Variants in DENND2C observed in about 807,000 individuals in gnomAD.
DENND2C encodes DENN domain containing 2C, also known as DENN domain-containing protein 2C.
A neutral mutation model predicts 112.4 loss-of-function variants in DENND2C; 72 were observed. The observed-to-expected ratio is 0.64, with a 90% CI of 0.53 to 0.78. DENND2C has a LOEUF of 0.78. Among genes scored for constraint, DENND2C ranks in the 30% least tolerant of loss-of-function variants. The pLI is 0.00. For missense variants in DENND2C, 992 were observed against 1,113.8 expected (o/e 0.89, Z 1.56); for synonymous variants, 329 against 381.6 (o/e 0.86, Z 1.61).
At chr1:114,667,910 A>C (rs1247187035) in intron 1 of DENND2C, among the ~76,000 whole-genome samples, 1 of 152,194 alleles carries the variant, frequency 6.6e-6, no homozygotes, top group Non-Finnish European at 1.5e-5. Context: ...TGTGAGGATT[A>C]AGTAAGCTAA....
intron 1 of DENND2C, among the ~76,000 whole-genome samples, chr1:114,662,829 G>A (rs1381279196): frequency 1.3e-5 from 2 of 152,050 alleles, no homozygotes; most frequent in African/African-American, 2.4e-5. Flanking sequence ...TCTTGGTGGC[G>A]TGCACCTGTA....
chr1:114,659,724 T>G (rs1657438165), intron 1 of DENND2C, among the ~76,000 whole-genome samples: 1 of 151,940 alleles, frequency 6.6e-6, no homozygotes, highest in Non-Finnish European at 1.5e-5. Context: ...ATTCCTTTCC[T>G]TTCCTTTCCT....
chr1:114,627,992 A>T (rs1483146038), intron 3 of DENND2C, among the ~76,000 whole-genome samples: 1 of 152,108 alleles, frequency 6.6e-6, no homozygotes, highest in African/African-American at 2.4e-5. Flanking sequence ...AGGGCTAAAA[A>T]AAAATTTTAA....
At chr1:114,593,513 G>T (rs1394186965) in intron 18 of DENND2C, among the ~76,000 whole-genome samples, 1 of 152,130 alleles carries the variant, frequency 6.6e-6, no homozygotes, top group African/African-American at 2.4e-5. Flanking sequence ...GGCCAGGTGT[G>T]GTGGCTCACA....
In DENND2C at chr1:114,648,617, T is replaced by C. The variant is rs1197012991; in HGVS notation, c.-316-3058A>G. On this transcript the variant is annotated intron_variant, in intron 2 of 20. Coordinates refer to ENST00000393274, the MANE Select transcript of DENND2C (RefSeq NM_001256404.2). ...TGCCTCCTACAGGGAAAGAGGGATATACCTCTTGCCTACCTCAAGACAGGG... is the reference window on the plus strand; with the variant it reads ...TGCCTCCTACAGGGAAAGAGGGATACACCTCTTGCCTACCTCAAGACAGGG... Among the ~76,000 whole-genome samples the C allele has an allele frequency of 2.6e-5, 4 of 152,268 alleles. No individual in the cohort carries two copies. In the East Asian group the frequency reaches 5.8e-4, roughly 22 times the overall value.
At chr1:114,585,696 T>G in intron 20 of DENND2C, 65 bp from the exon 21 acceptor site, 1 of 1,535,192 alleles carries the variant, frequency 6.5e-7, no homozygotes. Context: ...TTATTTGAGG[T>G]AAGGGATTAA....
intron 3 of DENND2C, among the ~76,000 whole-genome samples, chr1:114,637,369 C>CAAAAAAAAA (rs71575188): frequency 3.9e-5 from 5 of 127,640 alleles, no homozygotes; most frequent in African/African-American, 1.1e-4. Context: ...GACTCTGTCT[C>CAAAAAAAAA]AAAAAAAAAA....
At chr1:114,614,979 AC>A (rs1338630914) in intron 8 of DENND2C, among the ~76,000 whole-genome samples, 3 of 151,696 alleles carry the variant, frequency 2.0e-5, no homozygotes, top group Non-Finnish European at 4.4e-5. Flanking sequence ...GCACAACTGC[AC>A]CCCAGCCTGG....
At chr1:114,613,549 T>G (rs12129663) in intron 8 of DENND2C, among the ~76,000 whole-genome samples, 28,740 of 152,186 alleles carry the variant, frequency 0.19, 3,629 homozygotes, top group Non-Finnish European at 0.28. Flanking sequence ...CTATAAAATA[T>G]TATTCAGAGA....
chr1:114,630,769 G>T (rs748349609), intron 3 of DENND2C, among the ~76,000 whole-genome samples: 2 of 152,218 alleles, frequency 1.3e-5, no homozygotes, highest in Non-Finnish European at 2.9e-5. Flanking sequence ...AATACTACAT[G>T]AGGCTAGACA....
chr1:114,665,890 A>AT (rs1483401077), intron 1 of DENND2C, among the ~76,000 whole-genome samples: 1 of 152,180 alleles, frequency 6.6e-6, no homozygotes, highest in Non-Finnish European at 1.5e-5. Context: ...TACGGCTTCA[A>AT]TTAACACTTA....
At chr1:114,603,100 A>G (rs1278958496) in intron 11 of DENND2C, among the ~76,000 whole-genome samples, 1 of 151,970 alleles carries the variant, frequency 6.6e-6, no homozygotes, top group Admixed American at 6.6e-5. Flanking sequence ...AAACCTAAAT[A>G]TACCCAAGAA....
Position 114,626,099 on chromosome 1 carries a change from T to C in DENND2C, c.-115A>G. On this transcript the variant is annotated 5_prime_UTR_variant, in exon 4 of 21. Coordinates refer to ENST00000393274, the MANE Select transcript of DENND2C (RefSeq NM_001256404.2). ...ATCCAAATGATTCCAGTATTTTCCC[T>C]TCATGTTTAACTTGTAAATCTCTTT... The C allele has an allele frequency of 8.9e-7, 1 of 1,127,874 alleles. No individual in the cohort carries two copies. Among genetic ancestry groups the C allele is most frequent in the Non-Finnish European group, 1.2e-6 (1 of 817,842 alleles). 69.9% of individuals were successfully genotyped at this position (1,127,874 alleles called of 1,614,324 possible).
At chr1:114,652,914 C>T (rs1034378971) in intron 2 of DENND2C, among the ~76,000 whole-genome samples, 2 of 151,836 alleles carry the variant, frequency 1.3e-5, no homozygotes, top group African/African-American at 4.8e-5. Flanking sequence ...ATGTAAATTA[C>T]TATTATACTG....
intron 18 of DENND2C, among the ~76,000 whole-genome samples, chr1:114,592,242 G>A (rs1252094512): frequency 6.6e-6 from 1 of 152,090 alleles, no homozygotes; most frequent in East Asian, 1.9e-4. Context: ...CGCTGGCTCT[G>A]ACACAAATCA....
In DENND2C at chr1:114,594,483, A is replaced by C. The variant is rs559512441; in HGVS notation, c.2421T>G (p.Asn807Lys). ...ERNEILTQEQ[N>K]FSQDVTLNSL... ...TCACTTGTCTCATACCTTGTGAAAA[A>C]TTCTGCTCCTGAGTCAAGATTTCAT... Residue 807 changes from asparagine (N) to lysine (K), a missense_variant, in exon 18 of 21, where the codon AAT becomes AAG. Around this residue, in one of 3 missense-constraint regions of DENND2C, gnomAD observed 516 missense variants for 623.6 expected, o/e 0.83. Transcript: ENST00000393274. 1 of 1,613,934 alleles carries C rather than the reference A, an allele frequency of 6.2e-7. No homozygotes were observed. Among genetic ancestry groups the C allele is most frequent in the African/African-American group, 1.3e-5 (1 of 75,042 alleles).
At position 114,605,014 on chromosome 1, in the gene DENND2C, C is replaced by G; in HGVS notation, c.1575G>C (p.Lys525Asn). The G allele has an allele frequency of 6.2e-7, 1 of 1,612,896 alleles. No individual in the cohort carries two copies. ...GTCTCTCTTCCATGTCTTTGGACTG[C>G]TTATAGCCATGATCATCCTGAAAAA... ...QFPGKDDHGY[K>N]QSKDMEERLK... Residue 525 changes from lysine to asparagine, a missense_variant, in exon 11 of 21, where the codon AAG becomes AAC. Around this residue, in one of 3 missense-constraint regions of DENND2C, gnomAD observed 516 missense variants for 623.6 expected, o/e 0.83. Transcript: ENST00000393274.
At chr1:114,594,654 T>C (rs1655291002) in intron 17 of DENND2C, 76 bp from the exon 18 acceptor site, 1 of 1,259,810 alleles carries the variant, frequency 7.9e-7, no homozygotes, top group Admixed American at 2.0e-5. Context: ...GCCCTAGTTA[T>C]TTCTCCAAAA....
chr1:114,646,495 G>C (rs1039037054), intron 2 of DENND2C, among the ~76,000 whole-genome samples: 17 of 152,218 alleles, frequency 1.1e-4, no homozygotes, highest in African/African-American at 4.1e-4. Flanking sequence ...TATTATTTAA[G>C]ATATAATCTG....
Sources: allele counts gnomAD v4.1 joint callset (sites outside exome capture counted in the v4.1 genomes callset), GRCh38; gene constraint gnomAD v4.1.1; regional missense constraint gnomAD v4.1.1; transcripts MANE v1.5; gene names NCBI Gene and HGNC (gene_info 2026-07-23, HGNC 2026-07-21).